STRBP: variants seen among roughly 807,000 people sequenced by gnomAD.
STRBP encodes spermatid perinuclear RNA-binding protein.
Under a neutral mutation model 80.1 loss-of-function variants are expected in STRBP, and 13 were observed. That is an observed-to-expected ratio of 0.16 (90% CI 0.11 to 0.26). The LOEUF (loss-of-function observed/expected upper bound fraction) is 0.26. Ranked by LOEUF, STRBP falls within the 10% of genes least tolerant of loss-of-function variation. The probability of loss-of-function intolerance (pLI) is 1.00; values close to 1 mark genes in which losing one functional copy is unlikely to be tolerated. For missense variants in STRBP, 485 were observed against 815.2 expected, an observed-to-expected ratio of 0.59 and a Z score of 4.93; for synonymous variants, 284 against 291.2, an observed-to-expected ratio of 0.98 and a Z score of 0.25.
intron 6 of STRBP, among the ~76,000 whole-genome samples, chr9:123,162,722 A>G (rs1441433247): frequency 2.0e-5 from 3 of 152,222 alleles, no homozygotes. Flanking sequence ...AAATCAGAAT[A>G]CAATGTTTCA....
rs377677510 is a variant in STRBP, at chr9:123,115,201, T to A, written c.*84+728A>T. The A allele has an allele frequency of 1.1e-4, 52 of 471,034 alleles. 1 individual carries two copies. Among genetic ancestry groups the A allele is most frequent in the African/African-American group, 3.8e-4 (19 of 50,176 alleles). The allele number at this position is 471,034 out of a possible 1,614,324, so 29.2% of individuals were successfully genotyped here. On this transcript the variant is annotated intron_variant and NMD_transcript_variant, in intron 3 of 3. Coordinates refer to the STRBP transcript ENST00000471564. The surrounding 1 kb of genome is among the most constrained non-coding windows in gnomAD (Gnocchi z 5.0). ...CTTCACACTCCCCAAGTGGGCACACTCTCTCTGTGCATGCATGCCAGGCCC... is the reference window on the plus strand; with the variant it reads ...CTTCACACTCCCCAAGTGGGCACACACTCTCTGTGCATGCATGCCAGGCCC...
chr9:123,140,244 A>C (rs2036532672), intron 13 of STRBP, among the ~76,000 whole-genome samples: 1 of 152,230 alleles, frequency 6.6e-6, no homozygotes. Flanking sequence ...TCAATTACAA[A>C]ATAACATCTA....
intron 18 of STRBP, among the ~76,000 whole-genome samples, chr9:123,127,922 G>A (rs548542421): frequency 1.5e-4 from 23 of 152,292 alleles, no homozygotes; most frequent in African/African-American, 5.5e-4. Context: ...GCCTTTGAAT[G>A]GAGTATCAGT....
intron 2 of STRBP, among the ~76,000 whole-genome samples, chr9:123,199,898 A>G (rs1362845432): frequency 6.6e-6 from 1 of 152,062 alleles, no homozygotes; most frequent in Non-Finnish European, 1.5e-5. Context: ...GTACTTCCAG[A>G]ACTATGTTTA....
intron 1 of STRBP, among the ~76,000 whole-genome samples, chr9:123,241,845 G>A (rs1360133705): frequency 3.3e-5 from 5 of 152,132 alleles, no homozygotes; most frequent in Non-Finnish European, 7.4e-5. Context: ...ACATTCCAGT[G>A]GCTTCTCATC....
chr9:123,230,824 G>A (rs896571722), intron 2 of STRBP, among the ~76,000 whole-genome samples: 1 of 152,094 alleles, frequency 6.6e-6, no homozygotes, highest in Non-Finnish European at 1.5e-5. Context: ...CTTTTTTCAA[G>A]AACACATGTG....
intron 2 of STRBP, among the ~76,000 whole-genome samples, chr9:123,227,709 G>A (rs1300963695): frequency 6.6e-6 from 1 of 151,632 alleles, no homozygotes; most frequent in Non-Finnish European, 1.5e-5. Flanking sequence ...GGGATTACAG[G>A]TATGCACCCC....
At chr9:123,257,989 T>A (rs2132646537) in intron 1 of STRBP, among the ~76,000 whole-genome samples, 1 of 152,066 alleles carries the variant, frequency 6.6e-6, no homozygotes, top group African/African-American at 2.4e-5. Context: ...ATGAATAAAT[T>A]AATAAGGATA....
intron 1 of STRBP, among the ~76,000 whole-genome samples, chr9:123,267,947 G>A (rs1043125652): frequency 6.8e-6 from 1 of 147,298 alleles, no homozygotes; most frequent in African/African-American, 2.5e-5. Context: ...CCTGCCTGAA[G>A]GCTCTCCTCC....
At chr9:123,165,648 T>C (rs1172034134) in intron 6 of STRBP, among the ~76,000 whole-genome samples, 1 of 152,314 alleles carries the variant, frequency 6.6e-6, no homozygotes, top group East Asian at 1.9e-4. Context: ...ATATTTCTAA[T>C]TTAAAATCAC....
At chr9:123,200,120 C>T (rs2039260181) in intron 2 of STRBP, among the ~76,000 whole-genome samples, 1 of 152,156 alleles carries the variant, frequency 6.6e-6, no homozygotes, top group South Asian at 2.1e-4. Context: ...TTTTCTGCAT[C>T]TATTGAGATG....
chr9:123,117,362 C>T (rs2035662614), downstream of STRBP, among the ~76,000 whole-genome samples: 1 of 152,178 alleles, frequency 6.6e-6, no homozygotes. Context: ...CGCACCCACC[C>T]ACGCCTGAGC....
In STRBP at chr9:123,147,107, T is replaced by C; in HGVS notation, c.1139-53A>G. Reference sequence around the variant, plus strand: ...AAATTAACTAGAAAGTAATTTTGCTTTATGCGTTTTTGGGGTTCCTAGTAA... The same window carrying C: ...AAATTAACTAGAAAGTAATTTTGCTCTATGCGTTTTTGGGGTTCCTAGTAA... On this transcript the variant is annotated intron_variant, in intron 12 of 18. Transcript: ENST00000348403. The C allele has an allele frequency of 2.6e-6, 4 of 1,549,322 alleles. No individual in the cohort carries two copies. The South Asian group carries it at 3.6e-5, about 14-fold the overall frequency.
intron 1 of STRBP, among the ~76,000 whole-genome samples, chr9:123,257,645 C>T (rs1328212884): frequency 6.6e-6 from 1 of 152,124 alleles, no homozygotes; most frequent in Non-Finnish European, 1.5e-5. Context: ...CAAGACTTGT[C>T]TCTACAAAAT....
At chr9:123,252,073 T>C (rs762592970) in intron 1 of STRBP, among the ~76,000 whole-genome samples, 6 of 152,134 alleles carry the variant, frequency 3.9e-5, no homozygotes, top group Non-Finnish European at 7.4e-5. Flanking sequence ...ATGAAGGTAT[T>C]TGCCAGGCAT....
intron 14 of STRBP, among the ~76,000 whole-genome samples, chr9:123,137,452 C>G (rs1335109930): frequency 1.3e-5 from 2 of 152,162 alleles, no homozygotes; most frequent in African/African-American, 4.8e-5. Context: ...CTCTGTGGCC[C>G]AGGCTGGAGT....
Position 123,144,668 on chromosome 9 carries a change from A to G in STRBP, c.1338+2187T>C, listed in dbSNP as rs527454042. Among the ~76,000 whole-genome samples, 72 of 152,350 alleles carry G rather than the reference A, an allele frequency of 4.7e-4. No individual in the cohort carries two copies. The South Asian group carries it at 0.014, about 30-fold the overall frequency. ...ATTTTTTCCCCTCATTTTCTAAACC[A>G]TTTATAACAAACACACATTATACAT... is the stretch of plus-strand genomic sequence containing the variant. On this transcript the variant is annotated intron_variant, in intron 13 of 18. Coordinates refer to ENST00000348403, the MANE Select transcript of STRBP (RefSeq NM_018387.5).
intron 2 of STRBP, among the ~76,000 whole-genome samples, chr9:123,194,502 G>GA (rs1279258958): frequency 6.6e-6 from 1 of 151,994 alleles, no homozygotes; most frequent in Non-Finnish European, 1.5e-5. Context: ...AATAAAAAGG[G>GA]AAAAAACATT....
chr9:123,116,183 T>C, intron 2 of STRBP: 1 of 442,276 alleles, frequency 2.3e-6, no homozygotes, highest in Non-Finnish European at 4.5e-6. Flanking sequence ...AACACCAGAT[T>C]GCTCTGGAAA....
Sources: gnomAD v4.1 joint callset for allele counts (sites outside exome capture counted in the v4.1 genomes callset) on GRCh38, gnomAD v4.1.1 for gene constraint, Gnocchi (gnomAD v3.1) non-coding constraint, MANE v1.5 for transcripts, NCBI Gene and HGNC (gene_info 2026-07-23, HGNC 2026-07-21) for gene names.